CSMD1: variants seen among roughly 807,000 people sequenced by gnomAD.
CSMD1 encodes the protein CUB and Sushi multiple domains 1.
A neutral mutation model predicts 417.5 loss-of-function variants in CSMD1; 213 were observed. The ratio of observed to expected loss-of-function variants is 0.51; its 90% CI spans 0.46 to 0.57. The LOEUF is 0.57. Among genes scored for constraint, CSMD1 ranks in the 20% least tolerant of loss-of-function variants. The pLI, the probability that CSMD1 is intolerant of heterozygous loss-of-function variation, is 0.00. For missense variants in CSMD1, 6,923 were observed against 4,529.7 expected, an observed-to-expected ratio of 1.53 and a Z score of -15.17; for synonymous variants, 2,862 against 1,736.8, an observed-to-expected ratio of 1.65 and a Z score of -16.11.
chr8:3,134,444 C>T (rs138113856), intron 41 of CSMD1, among the ~76,000 whole-genome samples: 1 of 152,108 alleles, frequency 6.6e-6, no homozygotes, highest in African/African-American at 2.4e-5. Flanking sequence ...AGGGTTTTGG[C>T]GAGGCTATTT....
chr8:3,759,740 C>CAAAA (rs1188168101), intron 5 of CSMD1, among the ~76,000 whole-genome samples: 3 of 116,476 alleles, frequency 2.6e-5, no homozygotes, highest in Admixed American at 1.8e-4. Flanking sequence ...CTAAAAATAC[C>CAAAA]AAAAAAAAAA....
intron 1 of CSMD1, among the ~76,000 whole-genome samples, chr8:4,986,701 C>G (rs1313463857): frequency 6.6e-6 from 1 of 152,092 alleles, no homozygotes; most frequent in Non-Finnish European, 1.5e-5. Context: ...GCTTGAATCT[C>G]TGTTTTGTTG....
At chr8:3,681,568 T>C (rs1304688155) in intron 7 of CSMD1, among the ~76,000 whole-genome samples, 1 of 152,204 alleles carries the variant, frequency 6.6e-6, no homozygotes, top group African/African-American at 2.4e-5. Context: ...GAACATTCCA[T>C]GCTTATGGAT....
chr8:4,410,340 T>G (rs1436835144), intron 3 of CSMD1, among the ~76,000 whole-genome samples: 1 of 152,176 alleles, frequency 6.6e-6, no homozygotes. Context: ...ACACTCATAG[T>G]GACTGGGAAA....
At chr8:3,233,084 T>C (rs1349713746) in intron 26 of CSMD1, among the ~76,000 whole-genome samples, 2 of 117,394 alleles carry the variant, frequency 1.7e-5, no homozygotes, top group African/African-American at 2.9e-5. Context: ...TATTATGTTT[T>C]CTTTTCATTT....
intron 3 of CSMD1, among the ~76,000 whole-genome samples, chr8:4,115,553 T>G (rs746707935): frequency 6.6e-6 from 1 of 152,206 alleles, no homozygotes; most frequent in Non-Finnish European, 1.5e-5. Context: ...TAATTCATAA[T>G]TTATTATTTG....
At chr8:3,674,942 C>G (rs1472773001) in intron 7 of CSMD1, among the ~76,000 whole-genome samples, 1 of 152,166 alleles carries the variant, frequency 6.6e-6, no homozygotes, top group African/African-American at 2.4e-5. Context: ...CCCCCTAAGC[C>G]TCTGTAGGCC....
chr8:3,356,537 T>A (rs1808803722), intron 21 of CSMD1, among the ~76,000 whole-genome samples: 1 of 152,044 alleles, frequency 6.6e-6, no homozygotes, highest in Non-Finnish European at 1.5e-5. Context: ...TAGCCGGGCG[T>A]GGTGGCATGT....
At chr8:3,122,493 T>G (rs894017991) in intron 41 of CSMD1, among the ~76,000 whole-genome samples, 1 of 152,190 alleles carries the variant, frequency 6.6e-6, no homozygotes, top group African/African-American at 2.4e-5. Context: ...GTTGACGTGG[T>G]ATGGCTGTGT....
At chr8:4,581,757 G>A (rs1384670889) in intron 2 of CSMD1, among the ~76,000 whole-genome samples, 1 of 152,158 alleles carries the variant, frequency 6.6e-6, no homozygotes, top group Non-Finnish European at 1.5e-5. Context: ...AGACCAACAA[G>A]ACCATCTTGG....
chr8:4,809,793 G>A (rs771244003), intron 1 of CSMD1, among the ~76,000 whole-genome samples: 16 of 152,144 alleles, frequency 1.1e-4, no homozygotes, highest in South Asian at 4.1e-4. Context: ...GAAATATACT[G>A]TGTATTTTAT....
At chr8:4,340,389 G>C (rs185935514) in intron 3 of CSMD1, among the ~76,000 whole-genome samples, 7 of 152,174 alleles carry the variant, frequency 4.6e-5, no homozygotes, top group African/African-American at 1.7e-4. Flanking sequence ...TAACACTCTT[G>C]ACATGAGTTT....
chr8:4,277,989 T>C (rs1714692), intron 3 of CSMD1, among the ~76,000 whole-genome samples: 151,799 of 152,234 alleles, frequency 1, 75,684 homozygotes, highest in Non-Finnish European at 1. Flanking sequence ...ACCTCGTGAT[T>C]CGCCGCCTTG....
intron 3 of CSMD1, among the ~76,000 whole-genome samples, chr8:4,284,503 A>G (rs948326129): frequency 6.6e-6 from 1 of 151,958 alleles, no homozygotes; most frequent in Non-Finnish European, 1.5e-5. Context: ...TTTGCGCACC[A>G]TGCCTTCCCA....
chr8:4,673,290 T>C (rs966849616), intron 1 of CSMD1, among the ~76,000 whole-genome samples: 1 of 152,202 alleles, frequency 6.6e-6, no homozygotes, highest in African/African-American at 2.4e-5. Context: ...ACAAAAACTA[T>C]TAAAACGCAT....
chr8:4,476,025 G>C (rs1188289780), intron 2 of CSMD1, among the ~76,000 whole-genome samples: 1 of 151,944 alleles, frequency 6.6e-6, no homozygotes, highest in Non-Finnish European at 1.5e-5. Flanking sequence ...GCAGACAAAA[G>C]CAATGTATTA....
intron 49 of CSMD1, among the ~76,000 whole-genome samples, chr8:3,083,162 T>A (rs980734270): frequency 6.6e-6 from 1 of 152,164 alleles, no homozygotes; most frequent in African/African-American, 2.4e-5. Flanking sequence ...ACGGTGACGA[T>A]TCTTCCTTAT....
intron 8 of CSMD1, among the ~76,000 whole-genome samples, chr8:3,606,689 C>T (rs1432333936): frequency 1.3e-5 from 2 of 148,418 alleles, no homozygotes; most frequent in East Asian, 2.0e-4. Context: ...CCTTAACTTA[C>T]TGTAACAATT....
At chr8:3,607,020 C>G (rs4565479) in intron 8 of CSMD1, among the ~76,000 whole-genome samples, 46,946 of 152,098 alleles carry the variant, frequency 0.31, 8,627 homozygotes, top group Middle Eastern at 0.47. Flanking sequence ...TACCGTGTTA[C>G]AGTTTTTAAC....
Sources: allele counts gnomAD v4.1 joint callset (sites outside exome capture counted in the v4.1 genomes callset), GRCh38; gene constraint gnomAD v4.1.1; transcripts MANE v1.5; gene names NCBI Gene and HGNC (gene_info 2026-07-23, HGNC 2026-07-21).